SFSWAP: variants seen among roughly 807,000 people sequenced by gnomAD.
The protein encoded by SFSWAP is splicing factor, suppressor of white-apricot homolog.
SFSWAP carries 17 observed loss-of-function variants against 100.7 expected under a neutral mutation model. That is an observed-to-expected ratio of 0.17 (90% CI 0.12 to 0.25). SFSWAP has a LOEUF of 0.25. Among genes scored for constraint, SFSWAP ranks in the 10% least tolerant of loss-of-function variants. SFSWAP has a pLI of 1.00. For missense variants in SFSWAP, 1,005 were observed against 1,262.6 expected, an observed-to-expected ratio of 0.80 and a Z score of 3.09; for synonymous variants, 504 against 510.1, an observed-to-expected ratio of 0.99 and a Z score of 0.16.
At chr12:131,738,882 A>ATTTTTTTTTTTTTTTTTT (rs1555243205) in intron 7 of SFSWAP, among the ~76,000 whole-genome samples, 7 of 40,178 alleles carry the variant, frequency 1.7e-4, no homozygotes, top group East Asian at 9.7e-4. Flanking sequence ...AATGAACATT[A>ATTTTTTTTTTTTTTTTTT]TTCTTTTTTT....
intron 7 of SFSWAP, among the ~76,000 whole-genome samples, chr12:131,746,910 C>A (rs1881160245): frequency 6.6e-6 from 1 of 152,118 alleles, no homozygotes. Flanking sequence ...CGAGACCATC[C>A]TGGCTAACAC....
chr12:131,746,409 A>C (rs967808342), intron 7 of SFSWAP, among the ~76,000 whole-genome samples: 3 of 152,184 alleles, frequency 2.0e-5, no homozygotes, highest in African/African-American at 7.2e-5. Context: ...ACCCAGGCGG[A>C]GCAAGCTTCT....
chr12:131,754,442 A>G lies in SFSWAP; in HGVS notation c.1397A>G (p.Tyr466Cys). ...VQPVIDKLAE[Y>C]VARNGLKFET... Reference sequence around the variant, plus strand: ...CCCGTGATTGACAAGCTGGCCGAGTATGTCGCCAGGAACGGCCTGAAGTTC... The same window carrying G: ...CCCGTGATTGACAAGCTGGCCGAGTGTGTCGCCAGGAACGGCCTGAAGTTC... The change falls in exon 9 of 18, where the codon TAT becomes TGT. Residue 466 changes from tyrosine (Y) to cysteine (C), a missense_variant. Physicochemically the swap from Tyr to Cys is radical, Grantham distance 194. This residue lies in a region of SFSWAP where 311 missense variants were observed against 317.8 expected (regional missense o/e 0.98). Coordinates refer to ENST00000261674, the MANE Select transcript of SFSWAP (RefSeq NM_004592.4). The G allele has an allele frequency of 1.2e-6, 2 of 1,600,404 alleles. No homozygotes were observed. The highest frequency in any genetic ancestry group is 1.7e-6 in the Non-Finnish European group (2 of 1,174,646).
chr12:131,753,418 C>G, intron 8 of SFSWAP, 55 bp downstream of exon 8: 1 of 1,547,132 alleles, frequency 6.5e-7, no homozygotes, highest in Non-Finnish European at 8.8e-7. Flanking sequence ...ACTGCAGTCA[C>G]TGGGGCCGTC....
At chr12:131,732,005 G>A (rs1879561576) in intron 7 of SFSWAP, among the ~76,000 whole-genome samples, 2 of 148,646 alleles carry the variant, frequency 1.3e-5, no homozygotes, top group South Asian at 4.3e-4. Context: ...CACCTCCTGG[G>A]TTCAAGCGAG....
rs747198902 is a variant in SFSWAP, at chr12:131,725,032, G to A, written c.607-373G>A. ...TTCTGGTTATTGAGAACCATGGAAT[G>A]TATACCCTCTCCCTAGAAAAGTGCT... On this transcript the variant is annotated intron_variant, in intron 4 of 17. Transcript: ENST00000261674. This position sits in a 1 kb window ranked among gnomAD's most constrained non-coding sequence, Gnocchi z 4.3. Among the ~76,000 whole-genome samples, 14 of 152,214 alleles carry A rather than the reference G, an allele frequency of 9.2e-5. No individual in the cohort carries two copies. The highest frequency in any genetic ancestry group is 1.6e-4 in the Non-Finnish European group (11 of 68,036).
At chr12:131,781,594 T>G (rs1260489740) in intron 14 of SFSWAP, among the ~76,000 whole-genome samples, 2 of 152,238 alleles carry the variant, frequency 1.3e-5, no homozygotes, top group Non-Finnish European at 2.9e-5. Context: ...CCTACTCATT[T>G]GTTTGTAACT....
Position 131,754,491 on chromosome 12 carries a change from T to C in SFSWAP, c.1446T>C (p.Asn482=). Residue 482 remains asparagine, a synonymous_variant, in exon 9 of 18, where the codon AAT becomes AAC. Coordinates refer to ENST00000261674, the MANE Select transcript of SFSWAP (RefSeq NM_004592.4). ...TCGAGACCAGTGTTCGTGCCAAGAA[T>C]GATCAAAGGTCAGAAGAAGAATTTT... ...LKFETSVRAK[N]DQRFEFLQPW... The C allele has an allele frequency of 6.3e-7, 1 of 1,582,004 alleles. No individual in the cohort carries two copies. Among genetic ancestry groups the C allele is most frequent in the Non-Finnish European group, 8.6e-7 (1 of 1,165,654 alleles).
At position 131,734,851 on chromosome 12, in the gene SFSWAP, C is replaced by T. The variant is rs932455069; in HGVS notation, c.1081+6423C>T. Among the ~76,000 whole-genome samples, 1 of 138,220 alleles carries T rather than the reference C, an allele frequency of 7.2e-6. No individual in the cohort carries two copies. The highest frequency in any genetic ancestry group is 2.7e-5 in the African/African-American group (1 of 37,120). The allele number at this position is 138,220 out of a possible 152,430, so 90.7% of individuals were successfully genotyped here. ...CTGAGGAGCAGGCATTGGAACATGA[C>T]GGAGCTGCTGCTGCTGCAGCCGCAG... On this transcript the variant is annotated intron_variant, in intron 7 of 17. Transcript: ENST00000261674. The surrounding 1 kb of genome is among the most constrained non-coding windows in gnomAD (Gnocchi z 4.9).
At chr12:131,745,238 A>C (rs1339929663) in intron 7 of SFSWAP, among the ~76,000 whole-genome samples, 1 of 152,202 alleles carries the variant, frequency 6.6e-6, no homozygotes, top group Non-Finnish European at 1.5e-5. Flanking sequence ...TACCATTTTT[A>C]TTCTTGCAAT....
chr12:131,798,327 G>C (rs1442186014), intron 16 of SFSWAP, among the ~76,000 whole-genome samples: 1 of 152,074 alleles, frequency 6.6e-6, no homozygotes, highest in African/African-American at 2.4e-5. Flanking sequence ...ATGATAAAAT[G>C]TACATCAGTG....
intron 6 of SFSWAP, among the ~76,000 whole-genome samples, chr12:131,727,979 T>A (rs1879141800): frequency 6.6e-6 from 1 of 152,242 alleles, no homozygotes; most frequent in African/African-American, 2.4e-5. Flanking sequence ...GAAACTCCTA[T>A]AAGGAAAGAC....
At chr12:131,762,708 C>G (rs1882778985) in intron 11 of SFSWAP, among the ~76,000 whole-genome samples, 1 of 152,094 alleles carries the variant, frequency 6.6e-6, no homozygotes, top group Non-Finnish European at 1.5e-5. Flanking sequence ...TCAAGTGATT[C>G]CCCTGTCTCA....
chr12:131,746,647 G>A (rs971263453), intron 7 of SFSWAP, among the ~76,000 whole-genome samples: 6 of 152,156 alleles, frequency 3.9e-5, no homozygotes, highest in Non-Finnish European at 5.9e-5. Flanking sequence ...GGGTACATAG[G>A]AACACAAAGT....
chr12:131,772,803 T>C (rs1883724404), intron 13 of SFSWAP, among the ~76,000 whole-genome samples: 2 of 152,230 alleles, frequency 1.3e-5, no homozygotes, highest in South Asian at 4.1e-4. Flanking sequence ...CCTGAGTTCT[T>C]GTCCGGCGTC....
At chr12:131,766,358 G>A (rs1192407254) in intron 13 of SFSWAP, 50 bp downstream of exon 13, 2 of 1,543,866 alleles carry the variant, frequency 1.3e-6, no homozygotes, top group East Asian at 2.2e-5. Context: ...GATACATAGA[G>A]GCAGGGAGGA....
intron 4 of SFSWAP, 144 bp downstream of exon 4, chr12:131,719,683 A>G: frequency 1.5e-6 from 1 of 658,656 alleles, no homozygotes; most frequent in Non-Finnish European, 2.6e-6. Context: ...GGAGAAAAAG[A>G]TCACACCCTA....
At chr12:131,780,481 A>G (rs1884409684) in intron 14 of SFSWAP, among the ~76,000 whole-genome samples, 1 of 152,174 alleles carries the variant, frequency 6.6e-6, no homozygotes, top group Admixed American at 6.5e-5. Context: ...GTGAAAACCT[A>G]TCTCTACAAA....
chr12:131,759,763 C>T (rs1882494550), intron 11 of SFSWAP, among the ~76,000 whole-genome samples: 2 of 150,680 alleles, frequency 1.3e-5, no homozygotes, highest in Non-Finnish European at 2.9e-5. Flanking sequence ...GACTGCGCCA[C>T]TGTACTCCAG....
Sources: gnomAD v4.1 joint callset for allele counts (sites outside exome capture counted in the v4.1 genomes callset) on GRCh38, gnomAD v4.1.1 for gene constraint, gnomAD v4.1.1 regional missense constraint, Gnocchi (gnomAD v3.1) non-coding constraint, MANE v1.5 for transcripts, NCBI Gene and HGNC (gene_info 2026-07-23, HGNC 2026-07-21) for gene names.